Variants in UNC80 observed in about 807,000 individuals in gnomAD.
UNC80 encodes protein unc-80 homolog.
Under a neutral mutation model 384.6 loss-of-function variants are expected in UNC80, and 164 were observed. The observed-to-expected ratio is 0.43, with a 90% confidence interval of 0.38 to 0.49. The LOEUF is 0.49. Ranked by LOEUF, UNC80 falls within the 20% of genes least tolerant of loss-of-function variation. The probability of loss-of-function intolerance (pLI) is 0.00; values close to 1 mark genes in which losing one functional copy is unlikely to be tolerated. For missense variants in UNC80, 3,330 were observed against 4,143.0 expected (o/e 0.80, Z 5.39); for synonymous variants, 1,486 against 1,527.8 (o/e 0.97, Z 0.64).
At chr2:209,959,353 G>T (rs905595114) in intron 50 of UNC80, 136 bp from the exon 51 acceptor site, 2 of 1,077,644 alleles carry the variant, frequency 1.9e-6, no homozygotes, top group Non-Finnish European at 2.7e-6. Flanking sequence ...TTCGGATGAG[G>T]TTCTCCTTGG....
chr2:209,941,581 G>A, intron 44 of UNC80, 92 bp downstream of exon 44: 1 of 1,302,918 alleles, frequency 7.7e-7, no homozygotes, highest in Non-Finnish European at 1.0e-6. Context: ...ACTTTTTAAT[G>A]ATGGTGTTAT....
In UNC80 at chr2:209,904,841, A is replaced by G. The variant is rs775914722; in HGVS notation, c.4658A>G (p.His1553Arg). 3.9e-6 allele frequency: 6 copies of G among 1,551,738 alleles called. No individual in the cohort carries two copies. The Middle Eastern group carries it at 5.0e-4, about 129-fold the overall frequency. ...TACTGCCATCCCCACTGCTACCTGC[A>G]CCACAGCCGCTCCTGTGCCCGACTG... ...VDYCHPHCYL[H>R]HSRSCARLVR... The change falls in exon 29 of 65, where the codon CAC (histidine) becomes CGC (arginine). Residue 1553 changes from histidine to arginine, a missense_variant. Physicochemically the swap from His to Arg is conservative, Grantham distance 29 (BLOSUM62 0). Transcript: ENST00000673920.
chr2:209,965,691 G>A (rs13014834), intron 51 of UNC80, among the ~76,000 whole-genome samples: 1 of 152,006 alleles, frequency 6.6e-6, no homozygotes, highest in Non-Finnish European at 1.5e-5. Flanking sequence ...AAAGTGCTGG[G>A]ATTACAGGCG....
Position 209,913,894 on chromosome 2 carries a change from C to T in UNC80, c.4983C>T (p.Ala1661=), listed in dbSNP as rs2124943038. 1 of 1,551,316 alleles carries T rather than the reference C, an allele frequency of 6.4e-7. No individual in the cohort carries two copies. The highest frequency in any genetic ancestry group is 2.0e-5 in the Admixed American group (1 of 51,002). Residue 1661 remains alanine, a synonymous_variant, in exon 31 of 65, where the codon GCC becomes GCT. Coordinates refer to ENST00000673920, the MANE Select transcript of UNC80 (RefSeq NM_001371986.1). ...EEMYGDIQPA[A]WELLLSMDEH... is the part of the protein sequence containing the mutation. ...TGTACGGAGACATCCAGCCAGCTGC[C>T]TGGGAGCTCCTGCTCAGCATGGATG...
chr2:209,897,836 C>T (rs6717091), intron 28 of UNC80, among the ~76,000 whole-genome samples: 40,200 of 152,028 alleles, frequency 0.26, 5,919 homozygotes, highest in East Asian at 0.4. Context: ...TCACTGGCCA[C>T]GCCTTTTAAA....
chr2:209,988,910 T>A (rs750991379), intron 61 of UNC80, among the ~76,000 whole-genome samples: 4 of 152,200 alleles, frequency 2.6e-5, no homozygotes, highest in Non-Finnish European at 2.9e-5. Flanking sequence ...TATCGTAAGA[T>A]GTTAGCTTCA....
At chr2:209,877,595 G>A (rs555112448) in intron 23 of UNC80, among the ~76,000 whole-genome samples, 56 of 152,220 alleles carry the variant, frequency 3.7e-4, no homozygotes, top group African/African-American at 1.3e-3. Flanking sequence ...GCCTTCTGAT[G>A]TTTTACTGCA....
chr2:209,992,039 A>T, intron 61 of UNC80, 127 bp from the exon 62 acceptor site: 1 of 691,752 alleles, frequency 1.4e-6, no homozygotes. Flanking sequence ...GACTCTCCCA[A>T]CCATCCTTCA....
intron 61 of UNC80, 116 bp downstream of exon 61, chr2:209,985,028 C>A: frequency 1.2e-6 from 1 of 857,288 alleles, no homozygotes; most frequent in Non-Finnish European, 1.7e-6. Context: ...ATATCTATTT[C>A]CATTCCTTGC....
At chr2:209,866,042 G>T (rs968118110) in intron 22 of UNC80, among the ~76,000 whole-genome samples, 1 of 149,456 alleles carries the variant, frequency 6.7e-6, no homozygotes, top group Non-Finnish European at 1.5e-5. Context: ...TTTATATTTT[G>T]CAGTTTTACT....
At chr2:209,813,893 G>T in intron 8 of UNC80, 52 bp downstream of exon 8, 2 of 1,529,854 alleles carry the variant, frequency 1.3e-6, no homozygotes, top group East Asian at 4.9e-5. Context: ...TGCCATAATG[G>T]ATTCTTTTTT....
intron 61 of UNC80, among the ~76,000 whole-genome samples, chr2:209,987,802 G>A (rs1382162422): frequency 6.6e-6 from 1 of 151,602 alleles, no homozygotes; most frequent in Non-Finnish European, 1.5e-5. Context: ...CCTATATAGT[G>A]GAACCCATCT....
chr2:209,975,768 T>C (rs567202442), intron 56 of UNC80, among the ~76,000 whole-genome samples: 5 of 152,350 alleles, frequency 3.3e-5, no homozygotes, highest in Middle Eastern at 6.8e-3. Context: ...AAAGTTATTA[T>C]GATAAAACTT....
chr2:209,907,562 A>G, intron 29 of UNC80, among the ~76,000 whole-genome samples: 1 of 152,188 alleles, frequency 6.6e-6, no homozygotes, highest in South Asian at 2.1e-4. Context: ...TTTGCCAACC[A>G]GCGAGAAGAG....
At chr2:209,877,587 C>T (rs1275319715) in intron 23 of UNC80, among the ~76,000 whole-genome samples, 2 of 152,102 alleles carry the variant, frequency 1.3e-5, no homozygotes, top group African/African-American at 4.8e-5. Flanking sequence ...GGAACTGTGC[C>T]TTCTGATGTT....
intron 62 of UNC80, among the ~76,000 whole-genome samples, chr2:209,992,996 A>C (rs1467768986): frequency 1.3e-5 from 2 of 152,174 alleles, no homozygotes; most frequent in African/African-American, 4.8e-5. Context: ...TCCAGCTATA[A>C]GTTTTAAATG....
chr2:209,927,068 A>G (rs2090491152), intron 36 of UNC80, 82 bp downstream of exon 36: 2 of 1,428,594 alleles, frequency 1.4e-6, no homozygotes, highest in East Asian at 2.5e-5. Context: ...TCTTAAACAC[A>G]TTATCTACTG....
At chr2:209,864,267 G>A (rs1258860294) in intron 22 of UNC80, among the ~76,000 whole-genome samples, 1 of 152,074 alleles carries the variant, frequency 6.6e-6, no homozygotes, top group African/African-American at 2.4e-5. Flanking sequence ...CTGAATGCCA[G>A]TAGGATCACC....
Position 209,976,791 on chromosome 2 carries a change from C to T in UNC80, c.8773-122C>T, listed in dbSNP as rs963451238. 8 of 1,113,908 alleles carry T rather than the reference C, an allele frequency of 7.2e-6. No individual in the cohort carries two copies. In the African/African-American group the frequency reaches 7.8e-5, roughly 11 times the overall value. 69.0% of individuals were successfully genotyped at this position (1,113,908 alleles called of 1,614,324 possible). A position where few individuals can be genotyped will look rare whatever the true frequency, so the allele number is the denominator to read the frequency against. ...ATTAAGCACTTCCTGTGTAAAGTGCCGTTCTAGGAACATCACATGCATTAC... is the reference window on the plus strand; with the variant it reads ...ATTAAGCACTTCCTGTGTAAAGTGCTGTTCTAGGAACATCACATGCATTAC... On this transcript the variant is annotated intron_variant, in intron 57 of 64. Transcript: ENST00000673920. This position sits in a 1 kb window ranked among gnomAD's most constrained non-coding sequence, Gnocchi z 4.3.
Sources: gnomAD v4.1 joint callset for allele counts (sites outside exome capture counted in the v4.1 genomes callset) on GRCh38, gnomAD v4.1.1 for gene constraint, Gnocchi (gnomAD v3.1) non-coding constraint, MANE v1.5 for transcripts, NCBI Gene and HGNC (gene_info 2026-07-23, HGNC 2026-07-21) for gene names.